Variants in SLC14A2 observed in about 807,000 individuals in gnomAD.
SLC14A2 encodes the protein solute carrier family 14 member 2.
A neutral mutation model predicts 104.6 loss-of-function variants in SLC14A2; 91 were observed. The observed-to-expected ratio is 0.87, with a 90% CI of 0.73 to 1.04. The LOEUF is 1.04. SLC14A2 is among the 50% of genes least tolerant of loss of function. The pLI, the probability that SLC14A2 is intolerant of heterozygous loss-of-function variation, is 0.00. For missense variants in SLC14A2, 1,189 were observed against 1,156.0 expected, an observed-to-expected ratio of 1.03 and a Z score of -0.41; for synonymous variants, 476 against 466.4, an observed-to-expected ratio of 1.02 and a Z score of -0.27.
the SLC14A2 span, among the ~76,000 whole-genome samples, chr18:45,188,734 A>C: frequency 6.6e-6 from 1 of 152,196 alleles, no homozygotes; most frequent in African/African-American, 2.4e-5. Flanking sequence ...TTCCTTGCCC[A>C]ATCAATTCTG....
chr18:45,388,001 C>T (rs1296593513), intron 1 of SLC14A2, among the ~76,000 whole-genome samples: 1 of 149,712 alleles, frequency 6.7e-6, no homozygotes, highest in Non-Finnish European at 1.5e-5. Context: ...AGGCTGTATA[C>T]AGCTTGGGAA....
intron 1 of SLC14A2, among the ~76,000 whole-genome samples, chr18:45,239,090 C>T (rs1170257675): frequency 6.6e-6 from 1 of 152,160 alleles, no homozygotes; most frequent in African/African-American, 2.4e-5. Flanking sequence ...GAATGTTGGC[C>T]AATGACTTCT....
chr18:45,336,900 C>T (rs2085342953), intron 1 of SLC14A2, among the ~76,000 whole-genome samples: 1 of 151,982 alleles, frequency 6.6e-6, no homozygotes, highest in Admixed American at 6.6e-5. Context: ...CAAGTATTTA[C>T]TGAGTATACA....
Position 45,439,298 on chromosome 18 carries a change from A to C in SLC14A2, c.-124-43935A>C, listed in dbSNP as rs528310806. The stretch of plus-strand genomic sequence containing the variant: ...TATCTCTTAAAAAAAATGCCAGGCA[A>C]AGTTGCCTGGTTTGCTTGTCAGATT... On this transcript the variant is annotated intron_variant, in intron 1 of 20. Coordinates refer to the SLC14A2 transcript ENST00000586448. Among the ~76,000 whole-genome samples, 3 of 152,230 alleles carry C rather than the reference A, an allele frequency of 2.0e-5. No homozygotes were observed. In the East Asian group the frequency reaches 5.8e-4, roughly 29 times the overall value.
At chr18:45,392,153 A>G (rs1452107233) in intron 1 of SLC14A2, among the ~76,000 whole-genome samples, 1 of 152,238 alleles carries the variant, frequency 6.6e-6, no homozygotes, top group Non-Finnish European at 1.5e-5. Flanking sequence ...GTGCTGCATT[A>G]CCTCCTTGGA....
In SLC14A2 at chr18:45,634,709, A is replaced by G. The variant is rs113456424; in HGVS notation, c.650+2231A>G. ...GAGTCAGACCAGGTACACCCTGTAG[A>G]CCCAGTAAGCCTTTGGATTTCTATA... On this transcript the variant is annotated intron_variant, in intron 5 of 19. Transcript: ENST00000255226. The G allele has an allele frequency of 8.6e-3, 3,609 of 421,206 alleles. 128 individuals carry two copies. The highest frequency in any genetic ancestry group is 0.066 in the African/African-American group (3,278 of 49,530). 26.1% of individuals were successfully genotyped at this position (421,206 alleles called of 1,614,324 possible).
At chr18:45,482,348 G>T (rs1243560149) in intron 1 of SLC14A2, 3 of 152,144 alleles carry the variant, frequency 2.0e-5, no homozygotes, top group Admixed American at 6.6e-5. Flanking sequence ...ATCTATGGCT[G>T]TTTTACACCA....
At chr18:45,668,209 T>C (rs939763227) in intron 14 of SLC14A2, 140 bp from the exon 15 acceptor site, 6 of 1,242,234 alleles carry the variant, frequency 4.8e-6, no homozygotes, top group African/African-American at 1.5e-5. Context: ...TAGGGTTGTC[T>C]TCCTTCCCCA....
chr18:45,395,507 C>G (rs1411890018), intron 1 of SLC14A2, among the ~76,000 whole-genome samples: 1 of 152,102 alleles, frequency 6.6e-6, no homozygotes, highest in Admixed American at 6.6e-5. Context: ...CAAAACTGTT[C>G]TGTACACAGA....
chr18:45,344,593 G>C (rs1184378423), intron 1 of SLC14A2, among the ~76,000 whole-genome samples: 2 of 152,112 alleles, frequency 1.3e-5, no homozygotes, highest in African/African-American at 4.8e-5. Flanking sequence ...GGATGCAAGG[G>C]GGAAGAAGCA....
At chr18:45,295,450 A>G (rs191767628) in intron 1 of SLC14A2, among the ~76,000 whole-genome samples, 113 of 152,232 alleles carry the variant, frequency 7.4e-4, no homozygotes, top group African/African-American at 2.7e-3. Context: ...GCCCAAGGTC[A>G]TCATTAAGTA....
intron 2 of SLC14A2, among the ~76,000 whole-genome samples, chr18:45,603,011 C>CA (rs2044814736): frequency 6.6e-6 from 1 of 152,134 alleles, no homozygotes; most frequent in African/African-American, 2.4e-5. Flanking sequence ...TAGATTCTAT[C>CA]AAAAAAGTAC....
chr18:45,569,972 A>C (rs192444803), intron 2 of SLC14A2, among the ~76,000 whole-genome samples: 2 of 152,308 alleles, frequency 1.3e-5, no homozygotes, highest in East Asian at 3.9e-4. Context: ...CTTGACTCTC[A>C]TCATTGTTTT....
intron 4 of SLC14A2, among the ~76,000 whole-genome samples, chr18:45,630,066 C>T (rs959264672): frequency 2.0e-5 from 3 of 152,204 alleles, no homozygotes; most frequent in African/African-American, 7.2e-5. Flanking sequence ...AGAACACATC[C>T]CAGTACTAGA....
At chr18:45,600,249 A>T (rs1162385007) in intron 2 of SLC14A2, among the ~76,000 whole-genome samples, 1 of 152,034 alleles carries the variant, frequency 6.6e-6, no homozygotes, top group Non-Finnish European at 1.5e-5. Context: ...TTTATTTGCT[A>T]CTTATTGTCA....
intron 1 of SLC14A2, among the ~76,000 whole-genome samples, chr18:45,452,089 C>T (rs947409170): frequency 1.2e-4 from 18 of 152,164 alleles, no homozygotes; most frequent in Admixed American, 2.0e-4. Flanking sequence ...TATCTGGTCA[C>T]ATGTCCCTTT....
chr18:45,526,374 A>G (rs2043594376), intron 2 of SLC14A2, among the ~76,000 whole-genome samples: 1 of 152,220 alleles, frequency 6.6e-6, no homozygotes, highest in Non-Finnish European at 1.5e-5. Context: ...GGTGCCTGAG[A>G]GGCAGGCTTT....
chr18:45,285,917 G>A (rs770649327), intron 1 of SLC14A2, among the ~76,000 whole-genome samples: 1 of 152,196 alleles, frequency 6.6e-6, no homozygotes, highest in Non-Finnish European at 1.5e-5. Context: ...TGGGAGGCTT[G>A]CAAGATGCCT....
At chr18:45,432,081 A>G (rs2086525873) in intron 1 of SLC14A2, among the ~76,000 whole-genome samples, 1 of 152,126 alleles carries the variant, frequency 6.6e-6, no homozygotes, top group Admixed American at 6.5e-5. Flanking sequence ...CAGCAAGACA[A>G]TGCCTCGTTT....
Sources: allele counts gnomAD v4.1 joint callset (sites outside exome capture counted in the v4.1 genomes callset), GRCh38; gene constraint gnomAD v4.1.1; transcripts MANE v1.5; gene names NCBI Gene and HGNC (gene_info 2026-07-23, HGNC 2026-07-21).